The following MARCHF3 variants were observed in gnomAD, a reference collection of about 807,000 sequenced individuals.
The protein encoded by MARCHF3 is membrane associated ring-CH-type finger 3.
MARCHF3 carries 13 observed loss-of-function variants against 24.2 expected under a neutral mutation model. The observed-to-expected ratio is 0.54, with a 90% CI of 0.35 to 0.85. MARCHF3 has a LOEUF of 0.85. Ranked by LOEUF, MARCHF3 falls within the 40% of genes least tolerant of loss-of-function variation. MARCHF3 has a pLI of 0.01. For synonymous variants in MARCHF3, 144 were observed against 137.3 expected, an observed-to-expected ratio of 1.05 and a Z score of -0.34; for missense variants, 276 against 325.0, an observed-to-expected ratio of 0.85 and a Z score of 1.16.
At chr5:126,913,691 G>GT (rs1469767745) in intron 3 of MARCHF3, among the ~76,000 whole-genome samples, 3 of 152,236 alleles carry the variant, frequency 2.0e-5, no homozygotes, top group Non-Finnish European at 4.4e-5. Context: ...ACAGGCCCCG[G>GT]TTATAGGTCT....
intron 1 of MARCHF3, among the ~76,000 whole-genome samples, chr5:126,927,186 CCA>C (rs1328589296): frequency 3.3e-5 from 5 of 152,114 alleles, no homozygotes; most frequent in Non-Finnish European, 7.4e-5. Context: ...TAAAATGGGT[CCA>C]GTCTTTTAAA....
chr5:126,912,450 G>C (rs1754571415), intron 3 of MARCHF3, among the ~76,000 whole-genome samples: 1 of 152,198 alleles, frequency 6.6e-6, no homozygotes, highest in African/African-American at 2.4e-5. Flanking sequence ...GAATTTCCTT[G>C]CTTTAATGAG....
intron 3 of MARCHF3, 55 bp downstream of exon 3, chr5:126,914,875 C>T: frequency 1.3e-6 from 2 of 1,576,870 alleles, no homozygotes; most frequent in Non-Finnish European, 1.7e-6. Flanking sequence ...GGCATAAAAA[C>T]AGACATCATT....
At chr5:126,950,257 T>C (rs1750182380) in intron 1 of MARCHF3, among the ~76,000 whole-genome samples, 1 of 152,218 alleles carries the variant, frequency 6.6e-6, no homozygotes. Flanking sequence ...AAGAAACACA[T>C]ATGACTCTAC....
chr5:126,871,286 G>A (rs889006309), intron 4 of MARCHF3, among the ~76,000 whole-genome samples: 2 of 152,176 alleles, frequency 1.3e-5, no homozygotes, highest in African/African-American at 4.8e-5. Flanking sequence ...GACACCCTTT[G>A]TACTGTCCTG....
rs1037092036 is a variant in MARCHF3, at chr5:126,877,409, C to T, written c.603+776G>A. On this transcript the variant is annotated intron_variant, in intron 4 of 4. Transcript: ENST00000308660. Reference sequence around the variant, plus strand: ...CAGCTTCTGAAAATATTCTAGAAGACAGTGATGTCCTTCCCTGCAGCTCCC... The same window carrying T: ...CAGCTTCTGAAAATATTCTAGAAGATAGTGATGTCCTTCCCTGCAGCTCCC... 7.2e-5 allele frequency among the ~76,000 whole-genome samples: 11 copies of T among 152,286 alleles called. 1 individual carries two copies. The highest frequency in any genetic ancestry group is 1.2e-4 in the Non-Finnish European group (8 of 68,012).
chr5:127,022,714 T>C (rs1281476912), intron 1 of MARCHF3, among the ~76,000 whole-genome samples: 2 of 152,234 alleles, frequency 1.3e-5, no homozygotes. Flanking sequence ...ACTCCTGATT[T>C]GCAAGACCCA....
chr5:126,881,860 G>C (rs1580595668), intron 3 of MARCHF3, among the ~76,000 whole-genome samples: 2 of 152,256 alleles, frequency 1.3e-5, no homozygotes, highest in Non-Finnish European at 2.9e-5. Flanking sequence ...GAAAGGGAGA[G>C]AGACAGACAC....
At chr5:126,978,660 C>T (rs974193089) in intron 1 of MARCHF3, among the ~76,000 whole-genome samples, 1 of 152,210 alleles carries the variant, frequency 6.6e-6, no homozygotes, top group African/African-American at 2.4e-5. Context: ...TCAACATTCC[C>T]CTCACTGCCC....
chr5:126,870,916 G>T, intron 4 of MARCHF3, 125 bp from the exon 5 acceptor site: 1 of 1,315,890 alleles, frequency 7.6e-7, no homozygotes, highest in East Asian at 2.5e-5. Context: ...GGCAGGGCAA[G>T]AACCCTGGGA....
intron 3 of MARCHF3, among the ~76,000 whole-genome samples, chr5:126,903,635 G>GTA (rs1471079333): frequency 2.0e-5 from 3 of 149,034 alleles, no homozygotes; most frequent in Admixed American, 1.3e-4. Context: ...TCTCGTGTGT[G>GTA]TATATATATA....
At chr5:127,015,149 A>G (rs944032161) in intron 1 of MARCHF3, among the ~76,000 whole-genome samples, 2 of 152,224 alleles carry the variant, frequency 1.3e-5, no homozygotes, top group African/African-American at 4.8e-5. Context: ...ACTTTCAAAT[A>G]CGGATGTATT....
chr5:126,899,365 A>G (rs1046483387), intron 3 of MARCHF3: 51 of 925,436 alleles, frequency 5.5e-5, no homozygotes, highest in East Asian at 4.7e-4. Context: ...AAGGTTTACC[A>G]ATCTGAATTA....
At chr5:126,895,242 G>C (rs1403015004) in intron 3 of MARCHF3, among the ~76,000 whole-genome samples, 2 of 151,996 alleles carry the variant, frequency 1.3e-5, no homozygotes, top group African/African-American at 4.8e-5. Flanking sequence ...CAACTTCTTT[G>C]CCTTTGGTTT....
At chr5:126,943,101 C>A (rs1749887037) in intron 1 of MARCHF3, among the ~76,000 whole-genome samples, 2 of 152,168 alleles carry the variant, frequency 1.3e-5, no homozygotes, top group Non-Finnish European at 2.9e-5. Flanking sequence ...TTCTGGCCAA[C>A]ACAGTGAAAC....
At position 127,002,790 on chromosome 5, in the gene MARCHF3, C is replaced by T. The variant is rs575043549; in HGVS notation, c.-57+27560G>A. The stretch of plus-strand genomic sequence containing the variant: ...TTGACATGTTTAACGTACCCAGATT[C>T]CAACCCCTTCTTGGAACATTTTTCA... On this transcript the variant is annotated intron_variant, in intron 1 of 4. Transcript: ENST00000308660. Among the ~76,000 whole-genome samples the T allele has an allele frequency of 2.6e-5, 4 of 152,338 alleles. No homozygotes were observed. The East Asian group carries it at 5.8e-4, about 22-fold the overall frequency.
chr5:127,026,562 A>G (rs1214572547), intron 1 of MARCHF3, among the ~76,000 whole-genome samples: 1 of 152,232 alleles, frequency 6.6e-6, no homozygotes, highest in African/African-American at 2.4e-5. Flanking sequence ...ATAAGAAACA[A>G]TTTGAAGAAA....
intron 1 of MARCHF3, among the ~76,000 whole-genome samples, chr5:126,980,899 G>A (rs1751371129): frequency 1.3e-5 from 2 of 152,218 alleles, no homozygotes; most frequent in Admixed American, 1.3e-4. Context: ...GGACAGAGAT[G>A]TTAAAATTGT....
chr5:126,986,363 T>A lies in MARCHF3; in HGVS notation c.-57+43987A>T, dbSNP rs942535596. ...ATCATATTAACTTATGCCTTTATTA[T>A]ACAAAGCTAAATAATTTTTTGAAAA... On this transcript the variant is annotated intron_variant, in intron 1 of 4. Transcript: ENST00000308660. Among the ~76,000 whole-genome samples the A allele has an allele frequency of 4.6e-5, 7 of 152,246 alleles. No homozygotes were observed. The East Asian group carries it at 1.2e-3, about 25-fold the overall frequency.
Sources: allele counts gnomAD v4.1 joint callset (sites outside exome capture counted in the v4.1 genomes callset), GRCh38; gene constraint gnomAD v4.1.1; transcripts MANE v1.5; gene names NCBI Gene and HGNC (gene_info 2026-07-23, HGNC 2026-07-21).